PPP1CC: variants seen among roughly 807,000 people sequenced by gnomAD.
PPP1CC encodes serine/threonine-protein phosphatase PP1-gamma catalytic subunit.
In PPP1CC, 16 loss-of-function variants were observed where a neutral mutation model predicts 38.4. That is an observed-to-expected ratio of 0.42 (90% CI 0.28 to 0.63). The LOEUF (loss-of-function observed/expected upper bound fraction) is 0.63, where lower values mean the gene tolerates loss of function less well. PPP1CC is among the 30% of genes least tolerant of loss of function. The pLI is 0.25. For synonymous variants in PPP1CC, 158 were observed against 136.0 expected, an observed-to-expected ratio of 1.16 and a Z score of -1.13; for missense variants, 170 against 391.3, an observed-to-expected ratio of 0.43 and a Z score of 4.77.
Position 110,722,003 on chromosome 12 carries a change from C to A in PPP1CC, c.882+132G>T. On this transcript the variant is annotated intron_variant, in intron 6 of 6. Coordinates refer to ENST00000335007, the MANE Select transcript of PPP1CC (RefSeq NM_002710.4). The surrounding 1 kb of genome is among the most constrained non-coding windows in gnomAD (Gnocchi z 5.4). Reference sequence around the variant, plus strand: ...CCACACATTATTCAACTATAATACACACTGGTTAAGGGAAAATAAAAACTT... The same window carrying A: ...CCACACATTATTCAACTATAATACAAACTGGTTAAGGGAAAATAAAAACTT... The A allele has an allele frequency of 1.9e-6, 2 of 1,058,024 alleles. No homozygotes were observed. The highest frequency in any genetic ancestry group is 2.7e-6 in the Non-Finnish European group (2 of 746,900). 65.5% of individuals were successfully genotyped at this position (1,058,024 alleles called of 1,614,324 possible). A position where few individuals can be genotyped will look rare whatever the true frequency, so the allele number is the denominator to read the frequency against.
downstream of PPP1CC, among the ~76,000 whole-genome samples, chr12:110,717,495 G>A (rs940327089): frequency 3.3e-5 from 5 of 152,140 alleles, no homozygotes; most frequent in Non-Finnish European, 5.9e-5. Context: ...CCAGGTTCAC[G>A]CCATTCTCCT....
chr12:110,722,708 G>GGA lies in PPP1CC; in HGVS notation c.524-14_524-13insTC. On this transcript the variant is annotated splice_polypyrimidine_tract_variant and intron_variant, in intron 4 of 6. Coordinates refer to ENST00000335007, the MANE Select transcript of PPP1CC (RefSeq NM_002710.4). This position sits in a 1 kb window ranked among gnomAD's most constrained non-coding sequence, Gnocchi z 5.4. The stretch of plus-strand genomic sequence containing the variant: ...TCTGGTGATAAACCTATTCAATGAG[G>GGA]AAAAAAAAAAAATGAAGAAAGCAGA... 1.6e-6 allele frequency: 2 copies of GGA among 1,219,382 alleles called. No homozygotes were observed. The highest frequency in any genetic ancestry group is 2.2e-6 in the Non-Finnish European group (2 of 898,868). 75.5% of individuals were successfully genotyped at this position (1,219,382 alleles called of 1,614,324 possible). A position where few individuals can be genotyped will look rare whatever the true frequency, so the allele number is the denominator to read the frequency against.
the PPP1CC span, among the ~76,000 whole-genome samples, chr12:110,709,661 T>C: frequency 6.6e-6 from 1 of 151,014 alleles, no homozygotes; most frequent in African/African-American, 2.4e-5. Flanking sequence ...CTCGTTCAAG[T>C]GATTCTCCTG....
chr12:110,739,477 T>C (rs761830995), intron 1 of PPP1CC, among the ~76,000 whole-genome samples: 7 of 152,136 alleles, frequency 4.6e-5, no homozygotes, highest in South Asian at 2.1e-4. Context: ...GAACGTTTTA[T>C]ACTGCATCAA....
At chr12:110,712,597 A>G in the PPP1CC span, among the ~76,000 whole-genome samples, 2 of 137,668 alleles carry the variant, frequency 1.5e-5, no homozygotes, top group South Asian at 2.4e-4. Flanking sequence ...CCAAGTTAGC[A>G]CTAGTGCACT....
downstream of PPP1CC, among the ~76,000 whole-genome samples, chr12:110,719,157 CAAA>C (rs1005055091): frequency 2.6e-4 from 40 of 152,052 alleles, no homozygotes; most frequent in African/African-American, 9.2e-4. Context: ...TTCCTATAGT[CAAA>C]GAAGTCTGGG....
chr12:110,719,028 T>C (rs1300160259), downstream of PPP1CC, among the ~76,000 whole-genome samples: 1 of 152,154 alleles, frequency 6.6e-6, no homozygotes, highest in Non-Finnish European at 1.5e-5. Context: ...GATATAATCC[T>C]AGTAGAGCAG....
chr12:110,724,090 T>C (rs1020291649), intron 4 of PPP1CC, among the ~76,000 whole-genome samples: 2 of 151,632 alleles, frequency 1.3e-5, no homozygotes, highest in South Asian at 2.1e-4. Context: ...TACAAAAAAT[T>C]AGCCAAGCGT....
chr12:110,720,985 G>T lies in PPP1CC; in HGVS notation c.*91C>A. 8.8e-7 allele frequency: 1 copy of T among 1,137,038 alleles called. No homozygotes were observed. The highest frequency in any genetic ancestry group is 1.5e-5 in the South Asian group (1 of 68,060). 70.4% of individuals were successfully genotyped at this position (1,137,038 alleles called of 1,614,324 possible). On this transcript the variant is annotated 3_prime_UTR_variant, in exon 7 of 7. Transcript: ENST00000335007. The stretch of plus-strand genomic sequence containing the variant: ...GGCCCCCACAAACACAGATCTATCT[G>T]AGCAAGCTGACCAGTACACATTACA...
At position 110,721,101 on chromosome 12, in the gene PPP1CC, A is replaced by G; in HGVS notation, c.947T>C (p.Met316Thr). ...CTATTTCTTTGCTTGCTTTGTGATC[A>G]TACCCCTTGGAGGCGTTACAGGTCT... ...ATRPVTPPRG[M>T]ITKQAKK The change falls in exon 7 of 7, where the codon ATG (methionine) becomes ACG (threonine). Residue 316 changes from methionine to threonine, a missense_variant. Coordinates refer to ENST00000335007, the MANE Select transcript of PPP1CC (RefSeq NM_002710.4). 6.2e-7 allele frequency: 1 copy of G among 1,613,934 alleles called. No individual in the cohort carries two copies. The highest frequency in any genetic ancestry group is 1.1e-5 in the South Asian group (1 of 91,084).
intron 3 of PPP1CC, among the ~76,000 whole-genome samples, chr12:110,729,968 CA>C (rs1264581315): frequency 6.6e-6 from 1 of 152,160 alleles, no homozygotes; most frequent in Non-Finnish European, 1.5e-5. Context: ...TTAAAGCAAC[CA>C]TTACCATGAT....
At position 110,722,839 on chromosome 12, in the gene PPP1CC, G is replaced by A; in HGVS notation, c.524-144C>T. The A allele has an allele frequency of 2.8e-6, 2 of 706,830 alleles. No individual in the cohort carries two copies. Among genetic ancestry groups the A allele is most frequent in the South Asian group, 2.1e-5 (1 of 47,676 alleles). 43.8% of individuals were successfully genotyped at this position (706,830 alleles called of 1,614,324 possible). A position where few individuals can be genotyped will look rare whatever the true frequency, so the allele number is the denominator to read the frequency against. ...CTATGATTATATTTTATTTACTTTTGGTTAAAAGAAAAAAACACAGAAAAA... is the reference window on the plus strand; with the variant it reads ...CTATGATTATATTTTATTTACTTTTAGTTAAAAGAAAAAAACACAGAAAAA... On this transcript the variant is annotated intron_variant, in intron 4 of 6. Coordinates refer to ENST00000335007, the MANE Select transcript of PPP1CC (RefSeq NM_002710.4). The surrounding 1 kb of genome is among the most constrained non-coding windows in gnomAD (Gnocchi z 5.4).
At chr12:110,710,363 T>A in the PPP1CC span, among the ~76,000 whole-genome samples, 1 of 149,124 alleles carries the variant, frequency 6.7e-6, no homozygotes, top group Non-Finnish European at 1.5e-5. Context: ...GCCAACATGG[T>A]GAAACCCTGT....
intron 1 of PPP1CC, chr12:110,732,353 C>T (rs553148610): frequency 2.1e-4 from 37 of 177,086 alleles, no homozygotes; most frequent in Non-Finnish European, 3.2e-4. Flanking sequence ...GCCAAGATCG[C>T]GCCACTGCAC....
intron 1 of PPP1CC, chr12:110,732,939 G>A (rs2069895705): frequency 6.6e-6 from 1 of 152,106 alleles, no homozygotes; most frequent in African/African-American, 2.4e-5. Context: ...CAGTTATAAA[G>A]TTCACTTTTG....
At chr12:110,715,494 G>C (rs1351784610), downstream of PPP1CC, among the ~76,000 whole-genome samples, 1 of 151,270 alleles carries the variant, frequency 6.6e-6, no homozygotes, top group Non-Finnish European at 1.5e-5. Context: ...CTAATTTTTT[G>C]TATTATTATA....
intron 3 of PPP1CC, among the ~76,000 whole-genome samples, chr12:110,727,507 C>T (rs551730891): frequency 1.4e-4 from 22 of 151,770 alleles, no homozygotes; most frequent in Non-Finnish European, 2.1e-4. Context: ...AATGCGGTTT[C>T]GCATTACTGT....
chr12:110,712,361 C>T, the PPP1CC span, among the ~76,000 whole-genome samples: 3 of 151,218 alleles, frequency 2.0e-5, no homozygotes, highest in Non-Finnish European at 4.4e-5. Flanking sequence ...ACACACAGGC[C>T]GGGCGTGGTG....
At position 110,728,272 on chromosome 12, in the gene PPP1CC, G is replaced by A. The variant is rs113316214; in HGVS notation, c.418+2257C>T. Among the ~76,000 whole-genome samples the A allele has an allele frequency of 1.5e-3, 231 of 151,834 alleles. 1 individual carries two copies. The highest frequency in any genetic ancestry group is 5.1e-3 in the African/African-American group (210 of 41,472). ...AAATTAGCCGGGCGTAGTGGCGGGCGCCTGTAGTCCCAGCTACTCGGGAGG... is the reference window on the plus strand; with the variant it reads ...AAATTAGCCGGGCGTAGTGGCGGGCACCTGTAGTCCCAGCTACTCGGGAGG... On this transcript the variant is annotated intron_variant, in intron 3 of 6. Transcript: ENST00000335007.
Sources: gnomAD v4.1 joint callset for allele counts (sites outside exome capture counted in the v4.1 genomes callset) on GRCh38, gnomAD v4.1.1 for gene constraint, Gnocchi (gnomAD v3.1) non-coding constraint, MANE v1.5 for transcripts, NCBI Gene and HGNC (gene_info 2026-07-23, HGNC 2026-07-21) for gene names.